PRMT8: variants seen among roughly 807,000 people sequenced by gnomAD.
The protein encoded by PRMT8 is protein arginine methyltransferase 8.
PRMT8 carries 7 observed loss-of-function variants against 47.1 expected under a neutral mutation model. The observed-to-expected ratio is 0.15, with a 90% confidence interval of 0.08 to 0.28. PRMT8 has a LOEUF of 0.28. PRMT8 is among the 10% of genes least tolerant of loss of function. The pLI is 1.00. For missense variants in PRMT8, 237 were observed against 505.4 expected (o/e 0.47, Z 5.09); for synonymous variants, 188 against 186.5 (o/e 1.01, Z -0.07).
chr12:3,506,757 TTC>T (rs1865632639), intron 1 of PRMT8, among the ~76,000 whole-genome samples: 1 of 152,116 alleles, frequency 6.6e-6, no homozygotes, highest in Non-Finnish European at 1.5e-5. Flanking sequence ...TGTCTCAGGC[TTC>T]TCTCAGGCTT....
chr12:3,569,911 C>T lies in PRMT8; in HGVS notation c.712+347C>T, dbSNP rs1866815189. On this transcript the variant is annotated intron_variant, in intron 6 of 9. Coordinates refer to ENST00000382622, the MANE Select transcript of PRMT8 (RefSeq NM_019854.5). The surrounding 1 kb of genome is among the most constrained non-coding windows in gnomAD (Gnocchi z 8.2). ...TGAAACCTGTCAAGGTTCAGTTAGC[C>T]CAAAAGTCCACCGCAGGGGTCTGAA... Among the ~76,000 whole-genome samples, 1 of 152,136 alleles carries T rather than the reference C, an allele frequency of 6.6e-6. No individual in the cohort carries two copies. Among genetic ancestry groups the T allele is most frequent in the Non-Finnish European group, 1.5e-5 (1 of 68,024 alleles).
intron 1 of PRMT8, among the ~76,000 whole-genome samples, chr12:3,477,314 A>G (rs1052267238): frequency 1.3e-5 from 2 of 152,244 alleles, no homozygotes; most frequent in Non-Finnish European, 2.9e-5. Context: ...AGTGCTCCGC[A>G]CTGGACTGGG....
At position 3,453,568 on chromosome 12, in the gene PRMT8, C is replaced by T. The variant is rs11062651; in HGVS notation, c.48+72126C>T. ...CCAGACGCTGCATTCCGCATGCCAT[C>T]GTGACCTTGAAGTAGGGCTGAGAAT... On this transcript the variant is annotated intron_variant, in intron 1 of 9. Transcript: ENST00000452611. This position sits in a 1 kb window ranked among gnomAD's most constrained non-coding sequence, Gnocchi z 4.9. Among the ~76,000 whole-genome samples, 1 of 152,004 alleles carries T rather than the reference C, an allele frequency of 6.6e-6. No homozygotes were observed. The highest frequency in any genetic ancestry group is 2.4e-5 in the African/African-American group (1 of 41,362).
Position 3,581,917 on chromosome 12 carries a change from A to C in PRMT8, c.829-1141A>C, listed in dbSNP as rs59389023. ...TTTCCTTTATTTATCCTGGAAATAC[A>C]TTGAGACAAAAGCCATTTCATCGCT... On this transcript the variant is annotated intron_variant, in intron 7 of 9. Coordinates refer to ENST00000382622, the MANE Select transcript of PRMT8 (RefSeq NM_019854.5). Among the ~76,000 whole-genome samples, 5 of 152,182 alleles carry C rather than the reference A, an allele frequency of 3.3e-5. No homozygotes were observed. In the South Asian group the frequency reaches 1.0e-3, roughly 32 times the overall value.
chr12:3,571,847 C>T (rs1179590853), intron 6 of PRMT8, among the ~76,000 whole-genome samples: 1 of 152,174 alleles, frequency 6.6e-6, no homozygotes, highest in Non-Finnish European at 1.5e-5. Flanking sequence ...ACTTTGGTTA[C>T]TATGAGTTCT....
At chr12:3,558,335 T>C (rs1866563792) in intron 4 of PRMT8, among the ~76,000 whole-genome samples, 1 of 152,096 alleles carries the variant, frequency 6.6e-6, no homozygotes, top group Non-Finnish European at 1.5e-5. Flanking sequence ...CGGGTTTTTA[T>C]GGAATCCTTT....
Position 3,583,095 on chromosome 12 carries a change from C to T in PRMT8, c.866C>T (p.Ser289Leu). The T allele has an allele frequency of 2.5e-6, 4 of 1,614,072 alleles. No homozygotes were observed. Among genetic ancestry groups the T allele is most frequent in the Non-Finnish European group, 2.5e-6 (3 of 1,179,984 alleles). Residue 289 changes from serine to leucine, a missense_variant, in exon 8 of 10, where the codon TCG becomes TTG. Around this residue, in one of 5 missense-constraint regions of PRMT8, gnomAD observed 151 missense variants for 341.1 expected, o/e 0.44. Coordinates refer to ENST00000382622, the MANE Select transcript of PRMT8 (RefSeq NM_019854.5). This position sits in a 1 kb window ranked among gnomAD's most constrained non-coding sequence, Gnocchi z 4.7. ...TACACAGTGAAGACGGAAGAGCTATCGTTCACATCTGCATTCTGCCTGCAG... is the reference window on the plus strand; with the variant it reads ...TACACAGTGAAGACGGAAGAGCTATTGTTCACATCTGCATTCTGCCTGCAG... The part of the protein sequence containing the change: ...DIYTVKTEEL[S>L]FTSAFCLQIQ...
At chr12:3,592,127 C>T in intron 8 of PRMT8, 104 bp from the exon 9 acceptor site, 4 of 1,365,468 alleles carry the variant, frequency 2.9e-6, no homozygotes, top group South Asian at 3.2e-5. Flanking sequence ...TCAGTGAGTC[C>T]CAGGGGAAGC....
At position 3,514,503 on chromosome 12, in the gene PRMT8, G is replaced by T. The variant is rs1014349271; in HGVS notation, c.75+22803G>T. ...CACTGAAGATGTCCAATATAAGCGGGTCAGGGTCACCCTGCCTCCAAGTGG... is the reference window on the plus strand; with the variant it reads ...CACTGAAGATGTCCAATATAAGCGGTTCAGGGTCACCCTGCCTCCAAGTGG... On this transcript the variant is annotated intron_variant, in intron 1 of 9. Transcript: ENST00000382622. This position sits in a 1 kb window ranked among gnomAD's most constrained non-coding sequence, Gnocchi z 5.9. 6.6e-6 allele frequency among the ~76,000 whole-genome samples: 1 copy of T among 152,160 alleles called. No individual in the cohort carries two copies. The highest frequency in any genetic ancestry group is 2.4e-5 in the African/African-American group (1 of 41,434).
At chr12:3,427,682 CT>C (rs1425783149) in intron 1 of PRMT8, among the ~76,000 whole-genome samples, 6 of 151,566 alleles carry the variant, frequency 4.0e-5, no homozygotes, top group Non-Finnish European at 7.4e-5. Flanking sequence ...TTTTTTATAA[CT>C]TTTTTTCACA....
intron 1 of PRMT8, among the ~76,000 whole-genome samples, chr12:3,396,884 C>T (rs1326135409): frequency 6.6e-6 from 1 of 151,718 alleles, no homozygotes; most frequent in South Asian, 2.1e-4. Context: ...TCACATAGTC[C>T]CATATTTCTT....
At chr12:3,486,594 G>A (rs1378338608), upstream of PRMT8, among the ~76,000 whole-genome samples, 1 of 152,132 alleles carries the variant, frequency 6.6e-6, no homozygotes, top group Non-Finnish European at 1.5e-5. Flanking sequence ...CTTAATGAAA[G>A]ATTTAAAAAG....
chr12:3,494,610 G>A (rs564313498), intron 1 of PRMT8, among the ~76,000 whole-genome samples: 23 of 152,340 alleles, frequency 1.5e-4, no homozygotes, highest in African/African-American at 5.3e-4. Flanking sequence ...GGTGGGCAAG[G>A]ATGGGAGAAA....
intron 1 of PRMT8, among the ~76,000 whole-genome samples, chr12:3,450,810 T>G (rs941349861): frequency 6.6e-6 from 1 of 152,214 alleles, no homozygotes; most frequent in South Asian, 2.1e-4. Context: ...AAATGTTTAC[T>G]GTTTCATCAA....
intron 1 of PRMT8, among the ~76,000 whole-genome samples, chr12:3,512,237 C>T (rs566900419): frequency 2.0e-5 from 3 of 152,250 alleles, no homozygotes; most frequent in South Asian, 2.1e-4. Flanking sequence ...CTTTCTCCTG[C>T]GTCTCCCACC....
intron 1 of PRMT8, among the ~76,000 whole-genome samples, chr12:3,397,839 A>C (rs1437902149): frequency 6.6e-6 from 1 of 152,048 alleles, no homozygotes; most frequent in African/African-American, 2.4e-5. Context: ...TTGATCTCAG[A>C]CTGCTGTGCT....
At chr12:3,417,691 G>T (rs1472242738) in intron 1 of PRMT8, among the ~76,000 whole-genome samples, 1 of 152,154 alleles carries the variant, frequency 6.6e-6, no homozygotes, top group African/African-American at 2.4e-5. Flanking sequence ...TCACCATCAG[G>T]TCTTCATTCC....
chr12:3,416,618 G>A (rs1310914880), intron 1 of PRMT8, among the ~76,000 whole-genome samples: 2 of 152,238 alleles, frequency 1.3e-5, no homozygotes, highest in African/African-American at 4.8e-5. Context: ...AGAGTAGTGG[G>A]CAGCACAGAG....
chr12:3,383,382 G>C (rs527253408), intron 1 of PRMT8, among the ~76,000 whole-genome samples: 1 of 152,254 alleles, frequency 6.6e-6, no homozygotes, highest in East Asian at 1.9e-4. Flanking sequence ...TTAGAGCTTT[G>C]ATTCTTTTAA....
Sources: gnomAD v4.1 joint callset for allele counts (sites outside exome capture counted in the v4.1 genomes callset) on GRCh38, gnomAD v4.1.1 for gene constraint, gnomAD v4.1.1 regional missense constraint, Gnocchi (gnomAD v3.1) non-coding constraint, MANE v1.5 for transcripts, NCBI Gene and HGNC (gene_info 2026-07-23, HGNC 2026-07-21) for gene names.